The following SYNPR variants were observed in gnomAD, a reference collection of about 807,000 sequenced individuals.
SYNPR encodes the protein synaptoporin.
A neutral mutation model predicts 32.9 loss-of-function variants in SYNPR; 23 were observed. The observed-to-expected ratio is 0.70, with a 90% CI of 0.50 to 0.99. The LOEUF (loss-of-function observed/expected upper bound fraction) is 0.99. Ranked by LOEUF, SYNPR falls within the 50% of genes least tolerant of loss-of-function variation. SYNPR has a pLI of 0.00. For synonymous variants in SYNPR, 146 were observed against 135.9 expected, an observed-to-expected ratio of 1.07 and a Z score of -0.52; for missense variants, 318 against 349.3, an observed-to-expected ratio of 0.91 and a Z score of 0.71.
At chr3:63,458,193 G>C (rs1700519868) in intron 2 of SYNPR, among the ~76,000 whole-genome samples, 1 of 152,048 alleles carries the variant, frequency 6.6e-6, no homozygotes, top group South Asian at 2.1e-4. Context: ...TACTTTCATG[G>C]CACTCTTCTC....
intron 3 of SYNPR, among the ~76,000 whole-genome samples, chr3:63,553,009 T>C (rs1281774482): frequency 6.6e-6 from 1 of 152,114 alleles, no homozygotes; most frequent in African/African-American, 2.4e-5. Context: ...TGGGGGTACA[T>C]GTGCAGGTGT....
chr3:63,389,605 C>T (rs2088105543), intron 2 of SYNPR, among the ~76,000 whole-genome samples: 1 of 152,144 alleles, frequency 6.6e-6, no homozygotes, highest in South Asian at 2.1e-4. Flanking sequence ...ATTATGTGCC[C>T]ACCCTGAAGC....
At chr3:63,568,797 C>A (rs1702837798) in intron 4 of SYNPR, among the ~76,000 whole-genome samples, 1 of 152,106 alleles carries the variant, frequency 6.6e-6, no homozygotes, top group South Asian at 2.1e-4. Flanking sequence ...CAGCTGAAGC[C>A]AGCACATTCT....
intron 3 of SYNPR, among the ~76,000 whole-genome samples, chr3:63,492,947 T>G (rs1238294719): frequency 6.6e-6 from 1 of 152,134 alleles, no homozygotes; most frequent in African/African-American, 2.4e-5. Context: ...AGCCTCGGAA[T>G]GGCAGAAGGA....
intron 3 of SYNPR, among the ~76,000 whole-genome samples, chr3:63,495,012 A>AATTTTCCAGTTG (rs1701345684): frequency 6.6e-6 from 1 of 152,172 alleles, no homozygotes; most frequent in African/African-American, 2.4e-5. Context: ...CACTGGCATT[A>AATTTTCCAGTTG]ATTTTCCAGT....
chr3:63,345,252 G>C (rs1199999066), intron 2 of SYNPR, among the ~76,000 whole-genome samples: 1 of 152,196 alleles, frequency 6.6e-6, no homozygotes, highest in Non-Finnish European at 1.5e-5. Flanking sequence ...TTTTGGGAAG[G>C]GGCTAGTATC....
intron 3 of SYNPR, among the ~76,000 whole-genome samples, chr3:63,542,776 T>G (rs1415894094): frequency 6.6e-6 from 1 of 152,092 alleles, no homozygotes; most frequent in Non-Finnish European, 1.5e-5. Context: ...TGTGATGACT[T>G]GCATATAGGA....
chr3:63,253,618 T>C (rs2086356415), intron 2 of SYNPR, among the ~76,000 whole-genome samples: 1 of 152,148 alleles, frequency 6.6e-6, no homozygotes, highest in East Asian at 1.9e-4. Flanking sequence ...CACAATGAGA[T>C]ACCATCTCAC....
At chr3:63,254,330 C>A (rs951450259) in intron 2 of SYNPR, among the ~76,000 whole-genome samples, 1 of 151,954 alleles carries the variant, frequency 6.6e-6, no homozygotes, top group African/African-American at 2.4e-5. Flanking sequence ...ATTAAAAAAA[C>A]ATTTTAAAGC....
intron 2 of SYNPR, among the ~76,000 whole-genome samples, chr3:63,284,048 T>G (rs2086657555): frequency 6.6e-6 from 1 of 152,280 alleles, no homozygotes; most frequent in South Asian, 2.1e-4. Flanking sequence ...GACCTCGTGA[T>G]CTGCCGGCCT....
At chr3:63,567,850 TG>T (rs1408968541) in intron 4 of SYNPR, among the ~76,000 whole-genome samples, 2 of 152,206 alleles carry the variant, frequency 1.3e-5, no homozygotes, top group African/African-American at 4.8e-5. Flanking sequence ...GTCTGAGATC[TG>T]CAACTTAGAA....
chr3:63,368,364 G>T (rs1331173020), intron 2 of SYNPR, among the ~76,000 whole-genome samples: 1 of 152,140 alleles, frequency 6.6e-6, no homozygotes, highest in Non-Finnish European at 1.5e-5. Context: ...AAGAAAGGGC[G>T]CTAGTTTGAA....
At chr3:63,313,720 T>C (rs1167407521) in intron 2 of SYNPR, among the ~76,000 whole-genome samples, 1 of 51,086 alleles carries the variant, frequency 2.0e-5, no homozygotes, top group Non-Finnish European at 3.5e-5. Flanking sequence ...TATATATCCA[T>C]ATATATATAT....
At chr3:63,445,487 G>T in intron 2 of SYNPR, 1 of 682,626 alleles carries the variant, frequency 1.5e-6, no homozygotes, top group South Asian at 1.6e-5. Flanking sequence ...TGTCATTTGG[G>T]GGAAAACAAT....
At chr3:63,205,376 C>T in the SYNPR span, among the ~76,000 whole-genome samples, 1 of 152,332 alleles carries the variant, frequency 6.6e-6, no homozygotes, top group East Asian at 1.9e-4. Context: ...CCAAAATATT[C>T]TCTTCTACCA....
intron 2 of SYNPR, among the ~76,000 whole-genome samples, chr3:63,335,222 G>A (rs560331161): frequency 6.6e-6 from 1 of 152,006 alleles, no homozygotes; most frequent in South Asian, 2.1e-4. Flanking sequence ...GCGTGGTGGC[G>A]GGTGCCTGTA....
chr3:63,541,512 G>C (rs1361986215), intron 3 of SYNPR, among the ~76,000 whole-genome samples: 1 of 152,064 alleles, frequency 6.6e-6, no homozygotes, highest in Non-Finnish European at 1.5e-5. Context: ...GAATAGTAGG[G>C]GGAGTTCTGG....
At chr3:63,300,502 T>A (rs1560184288) in intron 2 of SYNPR, among the ~76,000 whole-genome samples, 1 of 152,104 alleles carries the variant, frequency 6.6e-6, no homozygotes, top group Non-Finnish European at 1.5e-5. Context: ...CCTGCTCAGA[T>A]CCTTTTACTA....
chr3:63,452,757 G>A (rs1700402382), intron 2 of SYNPR, among the ~76,000 whole-genome samples: 1 of 152,086 alleles, frequency 6.6e-6, no homozygotes. Flanking sequence ...GTATAGCTTA[G>A]GTGCGTTTGA....
Sources: gnomAD v4.1 joint callset for allele counts (sites outside exome capture counted in the v4.1 genomes callset) on GRCh38, gnomAD v4.1.1 for gene constraint, MANE v1.5 for transcripts, NCBI Gene and HGNC (gene_info 2026-07-23, HGNC 2026-07-21) for gene names.